The following HDAC4 variants were observed in gnomAD, a reference collection of about 807,000 sequenced individuals.
The protein encoded by HDAC4 is histone deacetylase 4.
Under a neutral mutation model 135.1 loss-of-function variants are expected in HDAC4, and 16 were observed. That is an observed-to-expected ratio of 0.12 (90% confidence interval 0.08 to 0.18). The LOEUF (loss-of-function observed/expected upper bound fraction) is 0.18. Among genes scored for constraint, HDAC4 ranks in the 10% least tolerant of loss-of-function variants. The pLI, the probability that HDAC4 is intolerant of heterozygous loss-of-function variation, is 1.00. For synonymous variants in HDAC4, 685 were observed against 653.4 expected, an observed-to-expected ratio of 1.05 and a Z score of -0.74; for missense variants, 1,143 against 1,511.8, an observed-to-expected ratio of 0.76 and a Z score of 4.05.
chr2:239,197,229 G>A (rs532872745), intron 3 of HDAC4, among the ~76,000 whole-genome samples: 1 of 152,266 alleles, frequency 6.6e-6, no homozygotes, highest in East Asian at 1.9e-4. Flanking sequence ...ATTCCAGCTT[G>A]AAGACCATCC....
intron 12 of HDAC4, among the ~76,000 whole-genome samples, chr2:239,118,078 A>G (rs947719484): frequency 6.6e-6 from 1 of 152,116 alleles, no homozygotes; most frequent in Non-Finnish European, 1.5e-5. Context: ...ACCGGTCCCC[A>G]CGCAGCAGGG....
chr2:239,377,860 G>A (rs886168654), intron 1 of HDAC4, among the ~76,000 whole-genome samples: 12 of 152,106 alleles, frequency 7.9e-5, no homozygotes, highest in Non-Finnish European at 1.2e-4. Context: ...CTCAGCTGCC[G>A]CCACCTTCTG....
At chr2:239,176,692 G>A (rs2043799474) in intron 4 of HDAC4, 129 bp from the exon 5 acceptor site, 1 of 735,044 alleles carries the variant, frequency 1.4e-6, no homozygotes, top group East Asian at 2.7e-5. Context: ...GCACTGCCCT[G>A]CCCTGCACTG....
chr2:239,158,664 C>G (rs1303922248), intron 6 of HDAC4, among the ~76,000 whole-genome samples: 1 of 152,154 alleles, frequency 6.6e-6, no homozygotes, highest in South Asian at 2.1e-4. Flanking sequence ...GGAGCGACCT[C>G]ACCTCCTGCA....
At chr2:239,291,999 A>G (rs2051535191) in intron 2 of HDAC4, among the ~76,000 whole-genome samples, 1 of 152,010 alleles carries the variant, frequency 6.6e-6, no homozygotes, top group East Asian at 1.9e-4. Flanking sequence ...AGCTCAGGAC[A>G]GCCACGCCAG....
chr2:239,119,016 C>G (rs190259646), intron 12 of HDAC4, among the ~76,000 whole-genome samples: 1 of 152,134 alleles, frequency 6.6e-6, no homozygotes, highest in Non-Finnish European at 1.5e-5. Flanking sequence ...GCAGGGGCGC[C>G]GGGTGAAGCA....
chr2:239,197,291 C>T (rs34570074), intron 3 of HDAC4, among the ~76,000 whole-genome samples: 46,332 of 152,022 alleles, frequency 0.3, 7,387 homozygotes, highest in African/African-American at 0.41. Context: ...TCTCCCAGTA[C>T]TGTCAGGAAA....
rs139081540 is a variant in HDAC4, at chr2:239,092,986, G to A, written c.2280+2024C>T. On this transcript the variant is annotated intron_variant, in intron 17 of 26. Transcript: ENST00000543185. ...AGCTTCCCACGGATAATCCCATGGA[G>A]TCTAAAAGGGACATGCCGAGGGCTG... is the stretch of plus-strand genomic sequence containing the variant. 3.5e-3 allele frequency among the ~76,000 whole-genome samples: 538 copies of A among 152,274 alleles called. 3 individuals are homozygous for A. Among genetic ancestry groups the A allele is most frequent in the African/African-American group, 0.012 (506 of 41,554 alleles).
chr2:239,325,420 A>G (rs1187544694), intron 2 of HDAC4, among the ~76,000 whole-genome samples: 1 of 152,244 alleles, frequency 6.6e-6, no homozygotes, highest in African/African-American at 2.4e-5. Flanking sequence ...ACGTGAAGAG[A>G]CATTTATCCA....
At chr2:239,183,539 C>G (rs1052894610) in intron 4 of HDAC4, among the ~76,000 whole-genome samples, 2 of 152,232 alleles carry the variant, frequency 1.3e-5, no homozygotes, top group African/African-American at 4.8e-5. Flanking sequence ...CCCACGTGCC[C>G]TATGTGTCAC....
chr2:239,382,729 CTT>C (rs746593835), intron 1 of HDAC4, among the ~76,000 whole-genome samples: 14 of 144,780 alleles, frequency 9.7e-5, no homozygotes, highest in Admixed American at 1.4e-4. Context: ...CTTTCTTTTT[CTT>C]TTTTTTTTTT....
intron 3 of HDAC4, among the ~76,000 whole-genome samples, chr2:239,227,797 CT>C (rs1201878452): frequency 6.6e-6 from 1 of 152,204 alleles, no homozygotes; most frequent in Non-Finnish European, 1.5e-5. Context: ...ATGTGACTGA[CT>C]CAGCAGCTTC....
chr2:239,391,874 CAGA>C (rs1575803447), intron 1 of HDAC4, among the ~76,000 whole-genome samples: 1 of 152,340 alleles, frequency 6.6e-6, no homozygotes, highest in African/African-American at 2.4e-5. Context: ...TCCGCTTAAC[CAGA>C]AGAATTCTGA....
intron 12 of HDAC4, among the ~76,000 whole-genome samples, chr2:239,116,351 C>T (rs1451385330): frequency 2.6e-5 from 4 of 152,258 alleles, no homozygotes; most frequent in African/African-American, 9.6e-5. Flanking sequence ...AAGCCTCTCC[C>T]TTCTCTAGGA....
intron 5 of HDAC4, among the ~76,000 whole-genome samples, chr2:239,171,467 A>T (rs1208902405): frequency 6.6e-6 from 1 of 152,230 alleles, no homozygotes; most frequent in Non-Finnish European, 1.5e-5. Flanking sequence ...AAGAAAAAGG[A>T]AACAAAGACA....
Position 239,281,267 on chromosome 2 carries a change from A to C in HDAC4, c.23-44603T>G, listed in dbSNP as rs369322367. On this transcript the variant is annotated intron_variant, in intron 2 of 26. Transcript: ENST00000543185. ...CTCCACACAATGTACACACCACTCTACACACAATGAACACACCACTCTACA... is the reference window on the plus strand; with the variant it reads ...CTCCACACAATGTACACACCACTCTCCACACAATGAACACACCACTCTACA... Among the ~76,000 whole-genome samples the C allele has an allele frequency of 1.4e-3, 190 of 136,992 alleles. 1 individual carries two copies. Among genetic ancestry groups the C allele is most frequent in the African/African-American group, 4.9e-3 (181 of 37,234 alleles). 89.9% of individuals were successfully genotyped at this position (136,992 alleles called of 152,430 possible).
At chr2:239,365,638 G>A (rs901755151) in intron 1 of HDAC4, among the ~76,000 whole-genome samples, 3 of 152,038 alleles carry the variant, frequency 2.0e-5, no homozygotes, top group Admixed American at 6.6e-5. Flanking sequence ...GTGGCACCGA[G>A]GGACATGGAC....
intron 17 of HDAC4, 159 bp downstream of exon 17, chr2:239,094,851 C>T (rs1195769086): frequency 2.0e-5 from 31 of 1,553,622 alleles, no homozygotes; most frequent in East Asian, 9.5e-5. Flanking sequence ...AAAACGCTCT[C>T]GGCTCACACG....
At chr2:239,101,798 G>A (rs574055530) in intron 16 of HDAC4, among the ~76,000 whole-genome samples, 2 of 151,800 alleles carry the variant, frequency 1.3e-5, no homozygotes, top group South Asian at 2.1e-4. Context: ...TGCCCTGGAA[G>A]CCCCCGACCC....
Sources: allele counts gnomAD v4.1 joint callset (sites outside exome capture counted in the v4.1 genomes callset), GRCh38; gene constraint gnomAD v4.1.1; transcripts MANE v1.5; gene names NCBI Gene and HGNC (gene_info 2026-07-23, HGNC 2026-07-21).